Variants in ANKS1A observed in about 807,000 individuals in gnomAD.
ANKS1A encodes ankyrin repeat and SAM domain-containing protein 1A.
In ANKS1A, 55 loss-of-function variants were observed where a neutral mutation model predicts 120.3. The observed-to-expected ratio is 0.46, with a 90% CI of 0.37 to 0.57. The LOEUF (loss-of-function observed/expected upper bound fraction) is 0.57, where lower values mean the gene tolerates loss of function less well. Ranked by LOEUF, ANKS1A falls within the 20% of genes least tolerant of loss-of-function variation. ANKS1A has a pLI of 0.00. For synonymous variants in ANKS1A, 590 were observed against 604.7 expected (o/e 0.98, Z 0.36); for missense variants, 1,123 against 1,480.3 (o/e 0.76, Z 3.96).
intron 1 of ANKS1A, among the ~76,000 whole-genome samples, chr6:34,929,273 C>T (rs1253471649): frequency 6.6e-6 from 1 of 151,998 alleles, no homozygotes; most frequent in Non-Finnish European, 1.5e-5. Context: ...TTTTTGGTTA[C>T]ATTTTATGTA....
chr6:35,093,987 G>T (rs1400461674), downstream of ANKS1A, among the ~76,000 whole-genome samples: 1 of 152,196 alleles, frequency 6.6e-6, no homozygotes, highest in Non-Finnish European at 1.5e-5. Flanking sequence ...CCCGCCTTGG[G>T]AGTCAGTGGA....
At chr6:34,980,451 C>T (rs897155042) in intron 3 of ANKS1A, among the ~76,000 whole-genome samples, 9 of 152,232 alleles carry the variant, frequency 5.9e-5, no homozygotes, top group African/African-American at 1.7e-4. Flanking sequence ...ATGATGCAGT[C>T]AAATGCCAGA....
intron 13 of ANKS1A, among the ~76,000 whole-genome samples, chr6:35,077,937 C>G (rs963977993): frequency 2.0e-5 from 3 of 152,226 alleles, no homozygotes; most frequent in Non-Finnish European, 4.4e-5. Flanking sequence ...GTGCTTAGCG[C>G]TGCAGGTGGG....
chr6:35,036,489 C>A (rs1775178192), intron 11 of ANKS1A, among the ~76,000 whole-genome samples: 1 of 152,234 alleles, frequency 6.6e-6, no homozygotes, highest in Non-Finnish European at 1.5e-5. Flanking sequence ...AGCGCCCAAA[C>A]CTCTGCTGCA....
intron 10 of ANKS1A, among the ~76,000 whole-genome samples, chr6:34,998,172 T>C (rs1772953682): frequency 6.6e-6 from 1 of 152,210 alleles, no homozygotes; most frequent in Admixed American, 6.5e-5. Context: ...AAGGTTAGTA[T>C]AAGTGAGGTA....
intron 1 of ANKS1A, among the ~76,000 whole-genome samples, chr6:34,896,413 G>C (rs549862345): frequency 6.6e-6 from 1 of 152,068 alleles, no homozygotes; most frequent in South Asian, 2.1e-4. Context: ...TGATTTTGTT[G>C]GGAGGGCAGC....
intron 8 of ANKS1A, among the ~76,000 whole-genome samples, chr6:34,987,108 T>C (rs1772253430): frequency 6.6e-6 from 1 of 152,212 alleles, no homozygotes. Flanking sequence ...TGCTTTGCCA[T>C]TTTTACTTGT....
intron 1 of ANKS1A, among the ~76,000 whole-genome samples, chr6:34,918,846 AT>A (rs1241400779): frequency 1.3e-5 from 2 of 149,808 alleles, no homozygotes; most frequent in South Asian, 2.1e-4. Context: ...TATACACTTT[AT>A]TTTTTTTATT....
At chr6:34,900,642 G>T (rs1276991545) in intron 1 of ANKS1A, among the ~76,000 whole-genome samples, 1 of 152,144 alleles carries the variant, frequency 6.6e-6, no homozygotes, top group African/African-American at 2.4e-5. Context: ...TACTGGTGAG[G>T]AAACTGAAAC....
chr6:35,054,135 G>A lies in ANKS1A; in HGVS notation c.2047G>A (p.Asp683Asn). 1 of 1,614,032 alleles carries A rather than the reference G, an allele frequency of 6.2e-7. No individual in the cohort carries two copies. Reference sequence around the variant, plus strand: ...CATGAGTTCTATTGGAGAAGGGATTGACTTTTCTCAGGAACGGCAGAAGAT... The same window carrying A: ...CATGAGTTCTATTGGAGAAGGGATTAACTTTTCTCAGGAACGGCAGAAGAT... ...KIMSSIGEGI[D>N]FSQERQKISG... Residue 683 changes from aspartate to asparagine, a missense_variant, in exon 12 of 24, where the codon GAC becomes AAC. Asp to Asn is a conservative substitution (Grantham distance 23, BLOSUM62 1). Transcript: ENST00000360359.
Position 35,090,660 on chromosome 6 carries a change from T to TA in ANKS1A, c.*2052dup. 1.0e-6 allele frequency: 1 copy of TA among 989,576 alleles called. No individual in the cohort carries two copies. Among genetic ancestry groups the TA allele is most frequent in the African/African-American group, 1.7e-5 (1 of 57,358 alleles). 61.3% of individuals were successfully genotyped at this position (989,576 alleles called of 1,614,324 possible). On this transcript the variant is annotated 3_prime_UTR_variant, in exon 24 of 24. Coordinates refer to ENST00000360359, the MANE Select transcript of ANKS1A (RefSeq NM_015245.3). ...TTCTTTTCTTCTCCTCTGGGATGGGTAGTCTCCCTTTCCTAGAAAGGTTAT... is the reference window on the plus strand; with the variant it reads ...TTCTTTTCTTCTCCTCTGGGATGGGTAAGTCTCCCTTTCCTAGAAAGGTTAT...
At chr6:35,010,842 A>G (rs991906552) in intron 10 of ANKS1A, among the ~76,000 whole-genome samples, 1 of 152,178 alleles carries the variant, frequency 6.6e-6, no homozygotes, top group African/African-American at 2.4e-5. Flanking sequence ...TTCTCGGGAA[A>G]TTGGTGTGAT....
At chr6:34,965,437 C>T (rs751173215) in intron 1 of ANKS1A, among the ~76,000 whole-genome samples, 10 of 151,484 alleles carry the variant, frequency 6.6e-5, no homozygotes, top group African/African-American at 1.2e-4. Flanking sequence ...CTGCAGCCTT[C>T]GCATTCCAGG....
intron 1 of ANKS1A, among the ~76,000 whole-genome samples, chr6:34,957,919 G>A (rs137890581): frequency 4.9e-4 from 74 of 152,286 alleles, no homozygotes; most frequent in African/African-American, 1.8e-3. Context: ...CTGTAAAATG[G>A]AAATACCGGT....
intron 1 of ANKS1A, among the ~76,000 whole-genome samples, chr6:34,956,866 G>A (rs1770398210): frequency 1.3e-5 from 2 of 152,258 alleles, no homozygotes; most frequent in East Asian, 1.9e-4. Flanking sequence ...AGGAGTAATA[G>A]TCCCTGGCTG....
chr6:35,068,436 T>C (rs1391868325), intron 13 of ANKS1A, among the ~76,000 whole-genome samples: 1 of 152,132 alleles, frequency 6.6e-6, no homozygotes, highest in Non-Finnish European at 1.5e-5. Flanking sequence ...TTACTAAGCT[T>C]TGGCAGCTCC....
At chr6:35,061,110 TC>T (rs1051678168) in intron 13 of ANKS1A, among the ~76,000 whole-genome samples, 1 of 152,190 alleles carries the variant, frequency 6.6e-6, no homozygotes, top group Non-Finnish European at 1.5e-5. Flanking sequence ...CATTGAATCT[TC>T]CCAGCAGCCC....
At chr6:34,969,886 A>G in intron 2 of ANKS1A, 124 bp from the exon 3 acceptor site, 2 of 1,121,374 alleles carry the variant, frequency 1.8e-6, no homozygotes, top group South Asian at 1.6e-5. Context: ...TGGTGAGCTC[A>G]GGTAGAGACA....
Position 34,889,513 on chromosome 6 carries a change from CGGT to C in ANKS1A, c.114_116del (p.Gly39del). ...CCTCAGGCTTTGGGGGCGGCGGCGGCGGTGGCTCTGGGGGCGGCGGCGGCGGCA... is the reference window on the plus strand; with the variant it reads ...CCTCAGGCTTTGGGGGCGGCGGCGGCGGCTCTGGGGGCGGCGGCGGCGGCA... On this transcript the variant is annotated inframe_deletion, in exon 1 of 24. Coordinates refer to ENST00000360359, the MANE Select transcript of ANKS1A (RefSeq NM_015245.3). The surrounding 1 kb of genome is among the most constrained non-coding windows in gnomAD (Gnocchi z 5.5). 7.9e-7 allele frequency: 1 copy of C among 1,271,622 alleles called. No homozygotes were observed. The highest frequency in any genetic ancestry group is 9.8e-7 in the Non-Finnish European group (1 of 1,017,988). 78.8% of individuals were successfully genotyped at this position (1,271,622 alleles called of 1,614,324 possible). A position where few individuals can be genotyped will look rare whatever the true frequency, so the allele number is the denominator to read the frequency against.
Sources: gnomAD v4.1 joint callset for allele counts (sites outside exome capture counted in the v4.1 genomes callset) on GRCh38, gnomAD v4.1.1 for gene constraint, Gnocchi (gnomAD v3.1) non-coding constraint, MANE v1.5 for transcripts, NCBI Gene and HGNC (gene_info 2026-07-23, HGNC 2026-07-21) for gene names.